Variants in ADGRL2 observed in about 807,000 individuals in gnomAD.
The protein encoded by ADGRL2 is calcium-independent alpha-latrotoxin receptor 2.
Under a neutral mutation model 157.4 loss-of-function variants are expected in ADGRL2, and 44 were observed. The observed-to-expected ratio is 0.28, with a 90% CI of 0.22 to 0.36. ADGRL2 has a LOEUF of 0.36. Ranked by LOEUF, ADGRL2 falls within the 10% of genes least tolerant of loss-of-function variation. The probability of loss-of-function intolerance (pLI) is 1.00; values close to 1 mark genes in which losing one functional copy is unlikely to be tolerated. For synonymous variants in ADGRL2, 585 were observed against 624.7 expected, an observed-to-expected ratio of 0.94 and a Z score of 0.95; for missense variants, 1,510 against 1,768.9, an observed-to-expected ratio of 0.85 and a Z score of 2.63.
intron 1 of ADGRL2, among the ~76,000 whole-genome samples, chr1:81,366,053 C>T (rs908991031): frequency 5.3e-5 from 8 of 152,090 alleles, no homozygotes; most frequent in Non-Finnish European, 1.2e-4. Flanking sequence ...AGGGAGACAA[C>T]ATTAGGGATA....
At chr1:81,315,391 G>A (rs1446956334) in intron 1 of ADGRL2, among the ~76,000 whole-genome samples, 1 of 151,962 alleles carries the variant, frequency 6.6e-6, no homozygotes, top group Non-Finnish European at 1.5e-5. Flanking sequence ...TTTACTCTAT[G>A]TAGCAGTGAC....
At chr1:81,794,223 G>C (rs2149429685) in intron 2 of ADGRL2, among the ~76,000 whole-genome samples, 1 of 152,158 alleles carries the variant, frequency 6.6e-6, no homozygotes, top group Admixed American at 6.5e-5. Context: ...GTTTGAATTG[G>C]GCTACTAATT....
chr1:81,593,775 A>T (rs533503793), intron 3 of ADGRL2, among the ~76,000 whole-genome samples: 2 of 152,200 alleles, frequency 1.3e-5, no homozygotes, highest in African/African-American at 2.4e-5. Context: ...TTAAAAGTGT[A>T]CCTATGCTTC....
At chr1:81,690,048 A>G (rs1256522374) in intron 3 of ADGRL2, among the ~76,000 whole-genome samples, 1 of 152,198 alleles carries the variant, frequency 6.6e-6, no homozygotes, top group African/African-American at 2.4e-5. Context: ...ACTTACTCAC[A>G]GGAGTAGGAG....
rs1649867647 is a variant in ADGRL2 at position 81,946,416 on chromosome 1, G to A, written c.1210+2647G>A. On this transcript the variant is annotated intron_variant, in intron 6 of 23. Coordinates refer to ENST00000686636, the MANE Select transcript of ADGRL2 (RefSeq NM_001366006.2). ...GTTCATTTGCTCCACTCCCCTAAACGAGGTCTGTTTTTCCTGTTTCACCTT... is the reference window on the plus strand; with the variant it reads ...GTTCATTTGCTCCACTCCCCTAAACAAGGTCTGTTTTTCCTGTTTCACCTT... Among the ~76,000 whole-genome samples, 3 of 147,284 alleles carry A rather than the reference G, an allele frequency of 2.0e-5. No individual in the cohort carries two copies. In the South Asian group the frequency reaches 6.4e-4, roughly 31 times the overall value.
chr1:81,420,665 G>T (rs2077108473), intron 1 of ADGRL2, among the ~76,000 whole-genome samples: 1 of 152,054 alleles, frequency 6.6e-6, no homozygotes. Flanking sequence ...TATACATTCT[G>T]CCCAGTACTC....
chr1:81,398,521 T>C (rs758817173), intron 1 of ADGRL2, among the ~76,000 whole-genome samples: 19 of 152,204 alleles, frequency 1.2e-4, no homozygotes, highest in Non-Finnish European at 2.2e-4. Flanking sequence ...GTGATTATCA[T>C]CTTTTTCCTC....
At chr1:81,335,674 A>C (rs1661585305) in intron 1 of ADGRL2, among the ~76,000 whole-genome samples, 1 of 152,074 alleles carries the variant, frequency 6.6e-6, no homozygotes, top group Non-Finnish European at 1.5e-5. Flanking sequence ...CTAATATCTA[A>C]ATCAGTCTTG....
chr1:81,492,136 A>C (rs898440420), intron 2 of ADGRL2, among the ~76,000 whole-genome samples: 2 of 152,214 alleles, frequency 1.3e-5, no homozygotes, highest in Non-Finnish European at 2.9e-5. Flanking sequence ...CTAGTAGGAA[A>C]TAAAGACTGC....
At chr1:81,708,718 A>G (rs1320613779) in intron 1 of ADGRL2, among the ~76,000 whole-genome samples, 1 of 152,008 alleles carries the variant, frequency 6.6e-6, no homozygotes, top group East Asian at 1.9e-4. Context: ...TTTGAAGCAT[A>G]AAAATTAGGA....
intron 2 of ADGRL2, among the ~76,000 whole-genome samples, chr1:81,839,443 T>C (rs2092445232): frequency 1.3e-5 from 2 of 151,994 alleles, no homozygotes; most frequent in South Asian, 2.1e-4. Context: ...ACATAAGTTC[T>C]TTAGTGGTGA....
intron 13 of ADGRL2, 41 bp from the exon 14 acceptor site, chr1:81,967,985 A>C (rs1236671571): frequency 1.3e-6 from 2 of 1,498,528 alleles, no homozygotes; most frequent in Non-Finnish European, 1.9e-6. Context: ...GCCATCTTAG[A>C]ATATAAAATC....
At chr1:81,334,410 A>G (rs1661490368) in intron 1 of ADGRL2, among the ~76,000 whole-genome samples, 1 of 152,198 alleles carries the variant, frequency 6.6e-6, no homozygotes, top group Non-Finnish European at 1.5e-5. Context: ...TATTAGTTTC[A>G]TTTCTTTTAA....
At chr1:81,590,795 A>G (rs1267692811) in intron 3 of ADGRL2, among the ~76,000 whole-genome samples, 2 of 151,982 alleles carry the variant, frequency 1.3e-5, no homozygotes, top group Admixed American at 6.6e-5. Flanking sequence ...CATGTGACCC[A>G]TTACTTTTTC....
intron 3 of ADGRL2, among the ~76,000 whole-genome samples, chr1:81,589,574 T>G (rs2081092524): frequency 6.6e-6 from 1 of 152,204 alleles, no homozygotes; most frequent in South Asian, 2.1e-4. Context: ...AGTACTCTGC[T>G]CAGAACTCCA....
At chr1:81,647,957 T>G (rs1399039495) in intron 3 of ADGRL2, among the ~76,000 whole-genome samples, 1 of 152,206 alleles carries the variant, frequency 6.6e-6, no homozygotes, top group Non-Finnish European at 1.5e-5. Flanking sequence ...GATCTATAAT[T>G]CAGCTCTGAC....
At chr1:81,405,508 A>G (rs1484304486) in intron 1 of ADGRL2, among the ~76,000 whole-genome samples, 1 of 151,850 alleles carries the variant, frequency 6.6e-6, no homozygotes, top group African/African-American at 2.4e-5. Context: ...AAAATTAGCC[A>G]TGGGGGTGTT....
At chr1:81,343,737 A>C (rs2100781846) in intron 1 of ADGRL2, among the ~76,000 whole-genome samples, 1 of 151,424 alleles carries the variant, frequency 6.6e-6, no homozygotes, top group South Asian at 2.1e-4. Context: ...ATTGTGACAG[A>C]GAGAGAGAGA....
chr1:81,491,509 AT>A (rs1174501554), intron 2 of ADGRL2, among the ~76,000 whole-genome samples: 8 of 152,324 alleles, frequency 5.3e-5, no homozygotes, highest in African/African-American at 1.9e-4. Context: ...TAATTCTAGA[AT>A]ATGAAGCAAA....
Sources: gnomAD v4.1 joint callset for allele counts (sites outside exome capture counted in the v4.1 genomes callset) on GRCh38, gnomAD v4.1.1 for gene constraint, MANE v1.5 for transcripts, NCBI Gene and HGNC (gene_info 2026-07-23, HGNC 2026-07-21) for gene names.